ENTREP2: variants seen among roughly 807,000 people sequenced by gnomAD.
ENTREP2 encodes the protein protein ENTREP2.
the ENTREP2 span, among the ~76,000 whole-genome samples, chr15:29,619,160 A>C: frequency 6.6e-6 from 1 of 152,212 alleles, no homozygotes; most frequent in African/African-American, 2.4e-5. Context: ...TGGAAGGCCA[A>C]GACAGGTGGA....
At chr15:29,646,284 T>A in the ENTREP2 span, among the ~76,000 whole-genome samples, 1 of 152,152 alleles carries the variant, frequency 6.6e-6, no homozygotes, top group Admixed American at 6.5e-5. Flanking sequence ...CTGCTCAAGG[T>A]CTCACAAAGC....
the ENTREP2 span, among the ~76,000 whole-genome samples, chr15:29,213,466 T>C: frequency 6.6e-6 from 1 of 152,316 alleles, no homozygotes; most frequent in Admixed American, 6.5e-5. Context: ...TTTATTTCTT[T>C]GAGCAGTGGT....
At chr15:29,461,470 C>T in the ENTREP2 span, among the ~76,000 whole-genome samples, 2 of 151,994 alleles carry the variant, frequency 1.3e-5, no homozygotes, top group Non-Finnish European at 2.9e-5. Flanking sequence ...TTTCCATTTT[C>T]ACCAGTTTTT....
the ENTREP2 span, among the ~76,000 whole-genome samples, chr15:29,445,731 C>T: frequency 6.6e-6 from 1 of 152,168 alleles, no homozygotes; most frequent in South Asian, 2.1e-4. Flanking sequence ...TTGAGCCATG[C>T]CAGCCATCCC....
At chr15:29,458,820 A>G in the ENTREP2 span, among the ~76,000 whole-genome samples, 1 of 152,208 alleles carries the variant, frequency 6.6e-6, no homozygotes, top group Non-Finnish European at 1.5e-5. Context: ...CTGACTCTTC[A>G]GGAAACCATT....
the ENTREP2 span, among the ~76,000 whole-genome samples, chr15:29,129,062 GTTTTC>G: frequency 1.3e-5 from 2 of 152,142 alleles, no homozygotes; most frequent in Non-Finnish European, 2.9e-5. Flanking sequence ...CCAAAGTCTA[GTTTTC>G]TTTTTTCTTT....
the ENTREP2 span, among the ~76,000 whole-genome samples, chr15:29,236,100 A>G: frequency 2.6e-5 from 4 of 152,230 alleles, no homozygotes; most frequent in African/African-American, 9.6e-5. Flanking sequence ...TGGTACTTTA[A>G]TAAGATCAAC....
the ENTREP2 span, among the ~76,000 whole-genome samples, chr15:29,240,955 A>G: frequency 6.6e-6 from 1 of 152,240 alleles, no homozygotes; most frequent in Non-Finnish European, 1.5e-5. Context: ...GTATAAAAAT[A>G]TCAAAGAGCA....
At chr15:29,584,532 C>A in the ENTREP2 span, among the ~76,000 whole-genome samples, 2 of 151,988 alleles carry the variant, frequency 1.3e-5, no homozygotes, top group Admixed American at 1.3e-4. Flanking sequence ...TATATGAACA[C>A]AGAAGACATT....
the ENTREP2 span, among the ~76,000 whole-genome samples, chr15:29,586,501 A>T: frequency 2.6e-5 from 4 of 152,228 alleles, no homozygotes; most frequent in Admixed American, 2.6e-4. Flanking sequence ...TTTCTAAAAG[A>T]CCAATGGAGG....
chr15:29,329,339 G>A, the ENTREP2 span, among the ~76,000 whole-genome samples: 1 of 151,348 alleles, frequency 6.6e-6, no homozygotes, highest in African/African-American at 2.4e-5. Context: ...CTCCAGCCTG[G>A]GTGACAGAGC....
chr15:29,300,872 C>G, the ENTREP2 span, among the ~76,000 whole-genome samples: 1 of 152,242 alleles, frequency 6.6e-6, no homozygotes, highest in Non-Finnish European at 1.5e-5. Context: ...GCTGGGATTA[C>G]AGGCATGAGC....
the ENTREP2 span, among the ~76,000 whole-genome samples, chr15:29,197,461 G>A: frequency 6.6e-6 from 1 of 152,092 alleles, no homozygotes; most frequent in South Asian, 2.1e-4. Context: ...AGTCCTAGAT[G>A]TAAAACTACT....
chr15:29,557,294 G>A, the ENTREP2 span, among the ~76,000 whole-genome samples: 1 of 152,096 alleles, frequency 6.6e-6, no homozygotes, highest in Non-Finnish European at 1.5e-5. Context: ...TAGGTGACCC[G>A]AACTTTGACT....
chr15:29,607,729 A>G, the ENTREP2 span, among the ~76,000 whole-genome samples: 4 of 152,222 alleles, frequency 2.6e-5, no homozygotes, highest in East Asian at 7.7e-4. Context: ...TTTTCATGTG[A>G]AATCAAGTTT....
chr15:29,167,239 C>A, the ENTREP2 span, among the ~76,000 whole-genome samples: 3 of 151,904 alleles, frequency 2.0e-5, no homozygotes, highest in South Asian at 6.2e-4. Context: ...TCGGAAAAAC[C>A]CTTCTAGGCA....
chr15:29,293,702 C>G, the ENTREP2 span, among the ~76,000 whole-genome samples: 3 of 152,322 alleles, frequency 2.0e-5, no homozygotes, highest in East Asian at 5.8e-4. Context: ...GGCTCTAATC[C>G]TGCAGCATGG....
chr15:29,486,655 G>A, the ENTREP2 span, among the ~76,000 whole-genome samples: 2 of 152,108 alleles, frequency 1.3e-5, no homozygotes, highest in African/African-American at 2.4e-5. Context: ...GTACATCTGC[G>A]CTCCAGCCTG....
At chr15:29,668,499 G>A in the ENTREP2 span, among the ~76,000 whole-genome samples, 1 of 152,128 alleles carries the variant, frequency 6.6e-6, no homozygotes, top group African/African-American at 2.4e-5. Context: ...CCAAAAGATG[G>A]AAACCACTCA....
Sources: allele counts gnomAD v4.1 joint callset (sites outside exome capture counted in the v4.1 genomes callset), GRCh38; gene constraint gnomAD v4.1.1; transcripts MANE v1.5; gene names NCBI Gene and HGNC (gene_info 2026-07-23, HGNC 2026-07-21).